The following EXT1 variants were observed in gnomAD, a reference collection of about 807,000 sequenced individuals.
The protein encoded by EXT1 is exostosin glycosyltransferase 1, also known as exostosin-1.
A neutral mutation model predicts 82.5 loss-of-function variants in EXT1; 20 were observed. That is an observed-to-expected ratio of 0.24 (90% CI 0.17 to 0.35). The LOEUF is 0.35. EXT1 is among the 10% of genes least tolerant of loss of function. EXT1 has a pLI of 1.00. For missense variants in EXT1, 757 were observed against 936.5 expected, an observed-to-expected ratio of 0.81 and a Z score of 2.50; for synonymous variants, 348 against 350.8, an observed-to-expected ratio of 0.99 and a Z score of 0.09.
At chr8:118,065,620 T>C (rs922235167) in intron 1 of EXT1, among the ~76,000 whole-genome samples, 1 of 152,362 alleles carries the variant, frequency 6.6e-6, no homozygotes, top group Non-Finnish European at 1.5e-5. Flanking sequence ...AACTGCATAT[T>C]GTGTTGGGCA....
At chr8:118,017,176 T>C (rs1352898417) in intron 1 of EXT1, among the ~76,000 whole-genome samples, 1 of 152,134 alleles carries the variant, frequency 6.6e-6, no homozygotes, top group Non-Finnish European at 1.5e-5. Context: ...CTGATCACCA[T>C]AGGATAAGTT....
intron 1 of EXT1, among the ~76,000 whole-genome samples, chr8:118,087,639 T>A (rs770178568): frequency 3.6e-4 from 55 of 152,304 alleles, no homozygotes; most frequent in Admixed American, 8.5e-4. Flanking sequence ...TCTAATGTGT[T>A]TACACAGAAA....
chr8:117,806,778 T>A (rs913725112), intron 9 of EXT1, among the ~76,000 whole-genome samples: 1 of 152,240 alleles, frequency 6.6e-6, no homozygotes, highest in Non-Finnish European at 1.5e-5. Flanking sequence ...ATATCACTTA[T>A]CTCCTTAATA....
intron 1 of EXT1, among the ~76,000 whole-genome samples, chr8:117,865,750 T>C (rs1238330159): frequency 6.6e-6 from 1 of 152,218 alleles, no homozygotes; most frequent in Non-Finnish European, 1.5e-5. Context: ...ACCAGGTGTC[T>C]TCACAGACTG....
intron 1 of EXT1, among the ~76,000 whole-genome samples, chr8:118,063,705 C>G (rs1586371691): frequency 6.6e-6 from 1 of 152,226 alleles, no homozygotes; most frequent in African/African-American, 2.4e-5. Flanking sequence ...CGGTTTACAA[C>G]TAGACTCTCC....
chr8:118,070,281 T>C (rs944569757), intron 1 of EXT1, among the ~76,000 whole-genome samples: 3 of 145,894 alleles, frequency 2.1e-5, no homozygotes, highest in African/African-American at 5.1e-5. Flanking sequence ...TGTGTGCATA[T>C]CATAAGTGAA....
chr8:118,047,227 T>G (rs1056048754), intron 1 of EXT1, among the ~76,000 whole-genome samples: 36 of 152,098 alleles, frequency 2.4e-4, no homozygotes, highest in African/African-American at 8.7e-4. Flanking sequence ...GAACCTGCAT[T>G]GGAATTCTGA....
chr8:118,017,007 T>C (rs950113908), intron 1 of EXT1, among the ~76,000 whole-genome samples: 1 of 152,226 alleles, frequency 6.6e-6, no homozygotes, highest in African/African-American at 2.4e-5. Context: ...ATGGTACGTG[T>C]ATAAAATTTC....
At chr8:117,800,205 T>C (rs764413119) in intron 10 of EXT1, among the ~76,000 whole-genome samples, 13 of 152,238 alleles carry the variant, frequency 8.5e-5, no homozygotes, top group Non-Finnish European at 1.8e-4. Context: ...ACTACTACAG[T>C]GACTCAATCT....
intron 1 of EXT1, among the ~76,000 whole-genome samples, chr8:118,051,670 A>G (rs1372276666): frequency 1.3e-5 from 2 of 152,212 alleles, no homozygotes; most frequent in African/African-American, 2.4e-5. Flanking sequence ...TAACTTACCA[A>G]CTAATCAATG....
intron 1 of EXT1, among the ~76,000 whole-genome samples, chr8:117,848,414 C>CG (rs1225057878): frequency 6.6e-6 from 1 of 152,204 alleles, no homozygotes; most frequent in African/African-American, 2.4e-5. Context: ...CCTCCTCCAG[C>CG]TGGCCATGCT....
rs78506003 is a variant in EXT1 at position 117,863,058 on chromosome 8, T to C, written c.963-25857A>G. On this transcript the variant is annotated intron_variant, in intron 1 of 10. Transcript: ENST00000378204. Reference sequence around the variant, plus strand: ...TTGACTAACAGGGCAGTGGGCGTTGTTAGCTTTGATGCATACTCATGTACT... The same window carrying C: ...TTGACTAACAGGGCAGTGGGCGTTGCTAGCTTTGATGCATACTCATGTACT... Among the ~76,000 whole-genome samples the C allele has an allele frequency of 4.8e-3, 738 of 152,308 alleles. 3 individuals carry two copies. The highest frequency in any genetic ancestry group is 8.5e-3 in the Non-Finnish European group (575 of 68,014).
intron 1 of EXT1, among the ~76,000 whole-genome samples, chr8:117,858,790 CAAGGCA>C (rs373343711): frequency 1.3e-4 from 12 of 92,106 alleles, no homozygotes; most frequent in African/African-American, 5.1e-4. Context: ...GGCAGGCAGG[CAAGGCA>C]AGGCAAGGCA....
At chr8:117,963,197 G>C (rs1814737587) in intron 1 of EXT1, among the ~76,000 whole-genome samples, 1 of 152,148 alleles carries the variant, frequency 6.6e-6, no homozygotes, top group Admixed American at 6.5e-5. Context: ...GTTAGGGCAG[G>C]TGTTAAGTTA....
chr8:118,039,035 T>C (rs17476623), intron 1 of EXT1, among the ~76,000 whole-genome samples: 3,678 of 152,306 alleles, frequency 0.024, 130 homozygotes, highest in African/African-American at 0.077. Flanking sequence ...ACAAGAAGAA[T>C]GTAGGTCCCC....
At chr8:117,870,164 G>A (rs888690540) in intron 1 of EXT1, among the ~76,000 whole-genome samples, 6 of 152,016 alleles carry the variant, frequency 3.9e-5, no homozygotes, top group South Asian at 4.1e-4. Flanking sequence ...AATTATTTCC[G>A]TGATGGCTCA....
intron 1 of EXT1, among the ~76,000 whole-genome samples, chr8:117,897,133 T>A (rs1813354172): frequency 6.6e-6 from 1 of 152,234 alleles, no homozygotes; most frequent in South Asian, 2.1e-4. Context: ...TGCAGCCAGT[T>A]AAGAACTGAA....
intron 1 of EXT1, among the ~76,000 whole-genome samples, chr8:118,013,869 T>G (rs780234163): frequency 1.3e-5 from 2 of 152,346 alleles, no homozygotes; most frequent in Middle Eastern, 3.4e-3. Flanking sequence ...ACATTTTACC[T>G]GGCAACTCTT....
intron 1 of EXT1, among the ~76,000 whole-genome samples, chr8:118,030,906 A>C (rs1159997993): frequency 6.6e-6 from 1 of 152,194 alleles, no homozygotes; most frequent in Non-Finnish European, 1.5e-5. Context: ...AAAAAGGGAT[A>C]CTTGGTTCAC....
Sources: allele counts gnomAD v4.1 joint callset (sites outside exome capture counted in the v4.1 genomes callset), GRCh38; gene constraint gnomAD v4.1.1; transcripts MANE v1.5; gene names NCBI Gene and HGNC (gene_info 2026-07-23, HGNC 2026-07-21).